ANK2: variants seen among roughly 807,000 people sequenced by gnomAD.
ANK2 encodes the protein ankyrin-2.
In ANK2, 83 loss-of-function variants were observed where a neutral mutation model predicts 360.5. The ratio of observed to expected loss-of-function variants is 0.23; its 90% CI spans 0.19 to 0.28. The LOEUF is 0.28. ANK2 is among the 10% of genes least tolerant of loss of function. The pLI, the probability that ANK2 is intolerant of heterozygous loss-of-function variation, is 1.00. For synonymous variants in ANK2, 1,740 were observed against 1,759.5 expected, an observed-to-expected ratio of 0.99 and a Z score of 0.28; for missense variants, 4,201 against 4,795.7, an observed-to-expected ratio of 0.88 and a Z score of 3.66.
chr4:113,027,042 A>G (rs1276174787), intron 2 of ANK2, among the ~76,000 whole-genome samples: 2 of 152,146 alleles, frequency 1.3e-5, no homozygotes, highest in Non-Finnish European at 2.9e-5. Flanking sequence ...CATCTGTTTC[A>G]GTGAAGATGG....
intron 5 of ANK2, among the ~76,000 whole-genome samples, chr4:113,233,594 T>A (rs1232066230): frequency 6.6e-6 from 1 of 152,200 alleles, no homozygotes; most frequent in Non-Finnish European, 1.5e-5. Context: ...CTTGAGGACA[T>A]GAACTCCCTT....
At position 113,354,059 on chromosome 4, in the gene ANK2, A is replaced by G. The variant is rs759013185; in HGVS notation, c.5441A>G (p.Lys1814Arg). ...RPHPAASPSL[K>R]SERHAPGSPS... Reference sequence around the variant, plus strand: ...CATCCAGCTGCGTCACCCTCTCTGAAGTCAGAGAGACATGCGCCAGGGTCT... The same window carrying G: ...CATCCAGCTGCGTCACCCTCTCTGAGGTCAGAGAGACATGCGCCAGGGTCT... The change falls in exon 38 of 46, where the codon AAG becomes AGG. Residue 1814 changes from lysine (K) to arginine (R), a missense_variant. Lys to Arg is a conservative substitution (Grantham distance 26, BLOSUM62 2). This residue lies in a region of ANK2 where 2,642 missense variants were observed against 2,714.5 expected (regional missense o/e 0.97). Transcript: ENST00000357077. 2.5e-6 allele frequency: 4 copies of G among 1,613,966 alleles called. No homozygotes were observed. The highest frequency in any genetic ancestry group is 3.4e-6 in the Non-Finnish European group (4 of 1,179,986).
chr4:112,747,255 A>C, the ANK2 span, among the ~76,000 whole-genome samples: 6 of 152,234 alleles, frequency 3.9e-5, no homozygotes, highest in East Asian at 1.2e-3. Context: ...AATCTGGCTT[A>C]AGTCCAGGCC....
intron 1 of ANK2, among the ~76,000 whole-genome samples, chr4:113,105,375 G>C (rs2093484972): frequency 6.6e-6 from 1 of 152,098 alleles, no homozygotes; most frequent in African/African-American, 2.4e-5. Context: ...GACCAGGCAA[G>C]ACCTTATCAG....
chr4:113,153,618 C>T (rs1430379412), intron 1 of ANK2, among the ~76,000 whole-genome samples: 1 of 152,088 alleles, frequency 6.6e-6, no homozygotes. Flanking sequence ...ATTCTTACAG[C>T]ATACATTTTG....
chr4:113,151,571 C>T (rs996249610), intron 1 of ANK2, among the ~76,000 whole-genome samples: 9 of 152,138 alleles, frequency 5.9e-5, no homozygotes, highest in East Asian at 1.9e-4. Flanking sequence ...ATGATCTAAA[C>T]ACCTTTTATT....
At chr4:112,851,461 A>G (rs1223326259) in intron 1 of ANK2, among the ~76,000 whole-genome samples, 1 of 152,032 alleles carries the variant, frequency 6.6e-6, no homozygotes, top group East Asian at 1.9e-4. Flanking sequence ...TTCTGTGGCT[A>G]TCTTCCCAAA....
At chr4:112,922,024 G>A (rs962715168) in intron 2 of ANK2, among the ~76,000 whole-genome samples, 5 of 152,158 alleles carry the variant, frequency 3.3e-5, no homozygotes, top group Non-Finnish European at 7.4e-5. Flanking sequence ...TGAAGAAGTA[G>A]AACTGGATAA....
chr4:112,992,783 A>G (rs73840979), intron 2 of ANK2, among the ~76,000 whole-genome samples: 25,529 of 152,098 alleles, frequency 0.17, 3,729 homozygotes, highest in African/African-American at 0.39. Context: ...ATACCATCAC[A>G]TTGTGCATTA....
At chr4:112,778,328 C>T in the ANK2 span, among the ~76,000 whole-genome samples, 86 of 151,946 alleles carry the variant, frequency 5.7e-4, 1 homozygote, top group African/African-American at 1.9e-3. Flanking sequence ...CCCACCACCA[C>T]GCCTGGCCAA....
chr4:113,178,371 A>G (rs1405201656), intron 2 of ANK2, among the ~76,000 whole-genome samples: 1 of 152,052 alleles, frequency 6.6e-6, no homozygotes, highest in Non-Finnish European at 1.5e-5. Flanking sequence ...GGAGTTCGAG[A>G]CCAGTCTGGT....
intron 4 of ANK2, among the ~76,000 whole-genome samples, chr4:113,223,336 A>C (rs958631422): frequency 2.6e-5 from 4 of 152,166 alleles, no homozygotes; most frequent in African/African-American, 9.7e-5. Context: ...ACCTGCCTGC[A>C]AAAGATGGGG....
At chr4:113,283,165 G>A (rs1268903132) in intron 18 of ANK2, among the ~76,000 whole-genome samples, 1 of 152,158 alleles carries the variant, frequency 6.6e-6, no homozygotes, top group Non-Finnish European at 1.5e-5. Context: ...TGTGTCTAAA[G>A]AGGCTACCCT....
intron 1 of ANK2, among the ~76,000 whole-genome samples, chr4:113,051,117 G>A (rs2066778391): frequency 6.6e-6 from 1 of 152,054 alleles, no homozygotes; most frequent in Non-Finnish European, 1.5e-5. Flanking sequence ...TCCAGATCTA[G>A]ACCTTGAGGG....
chr4:113,175,460 T>C (rs2098157012), intron 2 of ANK2, among the ~76,000 whole-genome samples: 1 of 152,148 alleles, frequency 6.6e-6, no homozygotes, highest in South Asian at 2.1e-4. Context: ...AACCCAACTG[T>C]TTCCCGTTCC....
the ANK2 span, among the ~76,000 whole-genome samples, chr4:112,792,720 T>G: frequency 1.3e-5 from 2 of 152,174 alleles, no homozygotes; most frequent in African/African-American, 4.8e-5. Context: ...AATACAGAGA[T>G]GCTACACATT....
At chr4:113,281,890 T>A (rs1288925326) in intron 17 of ANK2, among the ~76,000 whole-genome samples, 2 of 152,166 alleles carry the variant, frequency 1.3e-5, no homozygotes, top group African/African-American at 4.8e-5. Flanking sequence ...AGGGGAGATC[T>A]AGGATTTGAA....
intron 1 of ANK2, among the ~76,000 whole-genome samples, chr4:112,838,954 T>G (rs934209748): frequency 6.6e-6 from 1 of 152,222 alleles, no homozygotes; most frequent in Admixed American, 6.5e-5. Context: ...ATCTTAGGCC[T>G]TAGCTTTAGT....
chr4:112,873,337 T>C (rs904732900), intron 1 of ANK2, among the ~76,000 whole-genome samples: 2 of 151,942 alleles, frequency 1.3e-5, no homozygotes, highest in Non-Finnish European at 2.9e-5. Flanking sequence ...GTTTATAAAA[T>C]AGGCATTTAC....
Sources: gnomAD v4.1 joint callset for allele counts (sites outside exome capture counted in the v4.1 genomes callset) on GRCh38, gnomAD v4.1.1 for gene constraint, gnomAD v4.1.1 regional missense constraint, MANE v1.5 for transcripts, NCBI Gene and HGNC (gene_info 2026-07-23, HGNC 2026-07-21) for gene names.